Variants in SYNE3 observed in about 807,000 individuals in gnomAD.
SYNE3 encodes the protein nesprin-3.
SYNE3 carries 100 observed loss-of-function variants against 111.2 expected under a neutral mutation model. The observed-to-expected ratio is 0.90, with a 90% CI of 0.77 to 1.06. The LOEUF (loss-of-function observed/expected upper bound fraction) is 1.06, where lower values mean the gene tolerates loss of function less well. SYNE3 is among the 50% of genes least tolerant of loss of function. SYNE3 has a pLI of 0.00. For synonymous variants in SYNE3, 547 were observed against 533.9 expected (o/e 1.02, Z -0.34); for missense variants, 1,160 against 1,240.3 (o/e 0.94, Z 0.97).
At chr14:95,447,914 C>T (rs1886813996) in intron 8 of SYNE3, among the ~76,000 whole-genome samples, 1 of 152,278 alleles carries the variant, frequency 6.6e-6, no homozygotes. Flanking sequence ...ACTACCTGTG[C>T]ATAGATATTC....
intron 17 of SYNE3, among the ~76,000 whole-genome samples, chr14:95,422,880 A>T (rs943901946): frequency 3.3e-5 from 5 of 152,240 alleles, no homozygotes; most frequent in African/African-American, 1.2e-4. Context: ...GGGTGTGGCC[A>T]GGACCACTGT....
At position 95,444,586 on chromosome 14, in the gene SYNE3, G is replaced by A. The variant is rs150245374; in HGVS notation, c.1675C>T (p.Pro559Ser). 6.2e-7 allele frequency: 1 copy of A among 1,612,392 alleles called. No individual in the cohort carries two copies. The highest frequency in any genetic ancestry group is 8.5e-7 in the Non-Finnish European group (1 of 1,178,804). Residue 559 changes from proline (P) to serine (S), a missense_variant, in exon 10 of 18, where the codon CCC (proline) becomes TCC (serine). By Grantham distance (74) the Pro-to-Ser change is moderately conservative. Transcript: ENST00000682763. ...AGGTCCAAGAGCTTCCTCTGCAGGG[G>A]CTCAAAAGCTGCTCCAAAGTCTTTG... ...QHKDFGAAFE[P>S]LQRKLLDLQV...
intron 4 of SYNE3, among the ~76,000 whole-genome samples, chr14:95,459,653 G>A (rs1887669894): frequency 6.6e-6 from 1 of 152,172 alleles, no homozygotes; most frequent in Non-Finnish European, 1.5e-5. Context: ...TTTCACATAT[G>A]CTTTTTTCTT....
At chr14:95,482,850 G>GAA (rs1889340419) in intron 1 of SYNE3, among the ~76,000 whole-genome samples, 1 of 152,170 alleles carries the variant, frequency 6.6e-6, no homozygotes. Flanking sequence ...TTACAGCTGA[G>GAA]AAAACAGGTT....
At chr14:95,507,276 C>T (rs1393490451) in intron 1 of SYNE3, among the ~76,000 whole-genome samples, 1 of 152,248 alleles carries the variant, frequency 6.6e-6, no homozygotes, top group South Asian at 2.1e-4. Context: ...TCTCTGGCAT[C>T]TTCCTAGTTC....
At chr14:95,435,001 G>A (rs1157202049) in intron 15 of SYNE3, among the ~76,000 whole-genome samples, 1 of 152,170 alleles carries the variant, frequency 6.6e-6, no homozygotes, top group African/African-American at 2.4e-5. Context: ...CAAACACAAT[G>A]TCTAGCACAC....
intron 1 of SYNE3, among the ~76,000 whole-genome samples, chr14:95,497,410 A>T (rs1890138926): frequency 6.6e-6 from 1 of 151,492 alleles, no homozygotes; most frequent in African/African-American, 2.4e-5. Flanking sequence ...GCTATATAAC[A>T]AATAAATAAT....
At chr14:95,423,074 G>A (rs1315830586) in intron 17 of SYNE3, among the ~76,000 whole-genome samples, 1 of 152,224 alleles carries the variant, frequency 6.6e-6, no homozygotes, top group Non-Finnish European at 1.5e-5. Flanking sequence ...GGACACGATG[G>A]CAGTGGCTGG....
rs536556588 is a variant in SYNE3, at chr14:95,409,235, A to G, written c.*8591T>C. On this transcript the variant is annotated 3_prime_UTR_variant, in exon 18 of 18. Transcript: ENST00000682763. ...CCCGCCTAGCTGGCTGCTCTGAGGC[A>G]GGCTGCTGACCCTCTCCACACTCTG... 6.6e-6 allele frequency: 3 copies of G among 456,668 alleles called. No individual in the cohort carries two copies. The highest frequency in any genetic ancestry group is 1.3e-5 in the Non-Finnish European group (3 of 226,992). 28.3% of individuals were successfully genotyped at this position (456,668 alleles called of 1,614,324 possible).
chr14:95,433,729 A>G (rs1885924714), intron 15 of SYNE3, among the ~76,000 whole-genome samples: 1 of 152,222 alleles, frequency 6.6e-6, no homozygotes, highest in African/African-American at 2.4e-5. Flanking sequence ...AAAAGCTGTC[A>G]TTGTGAACAT....
At position 95,439,680 on chromosome 14, in the gene SYNE3, C is replaced by T. The variant is rs112790443; in HGVS notation, c.2178G>A (p.Val726=). 3.1e-6 allele frequency: 5 copies of T among 1,614,104 alleles called. No homozygotes were observed. The highest frequency in any genetic ancestry group is 1.3e-5 in the African/African-American group (1 of 75,056). The part of the protein sequence containing the change: ...EKSSPEGAAV[V]QEELRELAES... ...CTGCCAGCTCCCTGAGCTCCTCCTGCACCACGGCAGCACCCTCCGGAGAAG... is the reference window on the plus strand; with the variant it reads ...CTGCCAGCTCCCTGAGCTCCTCCTGTACCACGGCAGCACCCTCCGGAGAAG... The change falls in exon 13 of 18, where the codon GTG becomes GTA. Residue 726 remains valine (V), a synonymous_variant. Coordinates refer to ENST00000682763, the MANE Select transcript of SYNE3 (RefSeq NM_152592.6).
chr14:95,458,858 G>T (rs1887623166), intron 4 of SYNE3, among the ~76,000 whole-genome samples: 1 of 152,198 alleles, frequency 6.6e-6, no homozygotes. Context: ...AAGGGAAAAA[G>T]GAGACTCATT....
chr14:95,500,821 A>G lies in SYNE3; in HGVS notation c.-15+15775T>C, dbSNP rs1393735560. On this transcript the variant is annotated intron_variant, in intron 1 of 17. Transcript: ENST00000682763. This position sits in a 1 kb window ranked among gnomAD's most constrained non-coding sequence, Gnocchi z 4.7. ...CTCCAAGGCCACCCACCCAACTGGA[A>G]GAAGCAAACGGTCAGCACACGAGCC... Among the ~76,000 whole-genome samples, 8 of 152,208 alleles carry G rather than the reference A, an allele frequency of 5.3e-5. No homozygotes were observed. The highest frequency in any genetic ancestry group is 1.0e-4 in the Non-Finnish European group (7 of 68,030).
chr14:95,494,182 G>C lies in SYNE3; in HGVS notation c.-14-18347C>G, dbSNP rs114525027. On this transcript the variant is annotated intron_variant, in intron 1 of 17. Coordinates refer to ENST00000682763, the MANE Select transcript of SYNE3 (RefSeq NM_152592.6). ...GACCATTTGACTTCCACATCCAGATGTGCCTGGCGCGGTGCCACTAGGGCC... is the reference window on the plus strand; with the variant it reads ...GACCATTTGACTTCCACATCCAGATCTGCCTGGCGCGGTGCCACTAGGGCC... Among the ~76,000 whole-genome samples the C allele has an allele frequency of 9.9e-3, 1,513 of 152,212 alleles. 15 individuals carry two copies. The highest frequency in any genetic ancestry group is 0.033 in the African/African-American group (1,370 of 41,522).
chr14:95,416,201 C>G lies in SYNE3; in HGVS notation c.*1625G>C, dbSNP rs565081130. The G allele has an allele frequency of 6.6e-6, 1 of 152,072 alleles. No homozygotes were observed. Among genetic ancestry groups the G allele is most frequent in the Admixed American group, 6.5e-5 (1 of 15,274 alleles). The allele number at this position is 152,072 out of a possible 1,614,324, so 9.4% of individuals were successfully genotyped here. On this transcript the variant is annotated 3_prime_UTR_variant, in exon 18 of 18. Coordinates refer to ENST00000682763, the MANE Select transcript of SYNE3 (RefSeq NM_152592.6). The stretch of plus-strand genomic sequence containing the variant: ...GTGAAATGTCCTAGTTGCCTAGGAC[C>G]CGGGTCCCCAAGGGCAGAGCTCACA...
At chr14:95,423,901 T>G (rs1885290711) in intron 17 of SYNE3, among the ~76,000 whole-genome samples, 1 of 61,490 alleles carries the variant, frequency 1.6e-5, no homozygotes, top group Non-Finnish European at 3.6e-5. Context: ...GGATGGGGAT[T>G]TGATGGGGAT....
chr14:95,512,708 A>T (rs1595267127), intron 1 of SYNE3, among the ~76,000 whole-genome samples: 1 of 147,656 alleles, frequency 6.8e-6, no homozygotes, highest in Non-Finnish European at 1.5e-5. Flanking sequence ...AATACAAAAA[A>T]TTAGCCGGAC....
At chr14:95,513,566 A>C (rs1006575040) in intron 1 of SYNE3, among the ~76,000 whole-genome samples, 10 of 151,870 alleles carry the variant, frequency 6.6e-5, no homozygotes, top group African/African-American at 2.2e-4. Flanking sequence ...GGTCAAAATT[A>C]GGGCATCAGC....
intron 17 of SYNE3, among the ~76,000 whole-genome samples, chr14:95,426,990 G>C (rs1885467917): frequency 6.8e-6 from 1 of 147,748 alleles, no homozygotes; most frequent in African/African-American, 2.5e-5. Flanking sequence ...ATAGATCTTA[G>C]ATATGATTAT....
Sources: allele counts gnomAD v4.1 joint callset (sites outside exome capture counted in the v4.1 genomes callset), GRCh38; gene constraint gnomAD v4.1.1; non-coding constraint Gnocchi (gnomAD v3.1); transcripts MANE v1.5; gene names NCBI Gene and HGNC (gene_info 2026-07-23, HGNC 2026-07-21).